Variants in R3HCC1 observed in about 807,000 individuals in gnomAD.
R3HCC1 encodes R3H domain and coiled-coil containing 1.
A neutral mutation model predicts 40.0 loss-of-function variants in R3HCC1; 32 were observed. The observed-to-expected ratio is 0.80, with a 90% CI of 0.60 to 1.07. R3HCC1 has a LOEUF of 1.07. Among genes scored for constraint, R3HCC1 ranks in the 50% least tolerant of loss-of-function variants. R3HCC1 has a pLI of 0.00. For synonymous variants in R3HCC1, 237 were observed against 232.8 expected (o/e 1.02, Z -0.17); for missense variants, 586 against 563.3 (o/e 1.04, Z -0.41).
chr8:23,290,538 A>T lies in R3HCC1; in HGVS notation c.852+69A>T, dbSNP rs1163489247. On this transcript the variant is annotated intron_variant, in intron 4 of 7. Transcript: ENST00000265806. ...TGGGTGTGGCCGTGGGTGGATGGGG[A>T]CCAAGGGTTATGGTGTGGAGAGCAG... The T allele has an allele frequency of 1.6e-5, 24 of 1,478,004 alleles. No homozygotes were observed. In the East Asian group the frequency reaches 5.7e-4, roughly 35 times the overall value. The allele number at this position is 1,478,004 out of a possible 1,614,324, so 91.6% of individuals were successfully genotyped here. A position where few individuals can be genotyped will look rare whatever the true frequency, so the allele number is the denominator to read the frequency against.
rs1459992336 is a variant in R3HCC1, at chr8:23,288,585, G to T, written c.62G>T (p.Arg21Leu). The change falls in exon 2 of 8, where the codon CGG becomes CTG. Residue 21 changes from arginine (R) to leucine (L), a missense_variant. By Grantham distance (102) the Arg-to-Leu change is moderately radical. Coordinates refer to ENST00000265806, the MANE Select transcript of R3HCC1 (RefSeq NM_001136108.3). Reference sequence around the variant, plus strand: ...TCAGCCGAGAATGACTTCGTCCACCGGATCCAGGAGGAACTGGACCGCTTT... The same window carrying T: ...TCAGCCGAGAATGACTTCGTCCACCTGATCCAGGAGGAACTGGACCGCTTT... 2.0e-5 allele frequency: 30 copies of T among 1,535,840 alleles called. No homozygotes were observed. The highest frequency in any genetic ancestry group is 2.4e-5 in the Non-Finnish European group (28 of 1,146,880).
chr8:23,291,207 G>A lies in R3HCC1; in HGVS notation c.853-154G>A, dbSNP rs980517075. On this transcript the variant is annotated intron_variant, in intron 4 of 7. Transcript: ENST00000265806. ...TCCCGTAAAACCCATGCGTCTTGACGTCTTGACCTTGCAGCCCAGTCTGCC... is the reference window on the plus strand; with the variant it reads ...TCCCGTAAAACCCATGCGTCTTGACATCTTGACCTTGCAGCCCAGTCTGCC... 5.6e-5 allele frequency: 62 copies of A among 1,106,608 alleles called. No homozygotes were observed. The Middle Eastern group carries it at 9.2e-4, about 16-fold the overall frequency. 68.5% of individuals were successfully genotyped at this position (1,106,608 alleles called of 1,614,324 possible).
In R3HCC1 at chr8:23,294,770, T is replaced by G. The variant is rs1802953969; in HGVS notation, c.1098T>G (p.Ala366=). ...TCCACGCCTGCTTTCTTTCCACAGC[T>G]GCGGAAGCCCTGACCCGGGAGTTCT... is the stretch of plus-strand genomic sequence containing the variant. The change falls in exon 7 of 8, where the codon GCT becomes GCG. Residue 366 remains alanine, a splice_region_variant and synonymous_variant. Coordinates refer to ENST00000265806, the MANE Select transcript of R3HCC1 (RefSeq NM_001136108.3). The G allele has an allele frequency of 6.5e-7, 1 of 1,550,106 alleles. No homozygotes were observed. Among genetic ancestry groups the G allele is most frequent in the African/African-American group, 1.4e-5 (1 of 72,652 alleles).
intron 4 of R3HCC1, 115 bp from the exon 5 acceptor site, chr8:23,291,245 TC>T: frequency 7.1e-7 from 1 of 1,417,940 alleles, no homozygotes; most frequent in Non-Finnish European, 9.3e-7. Context: ...CTGCTGCCTT[TC>T]CCAGACTTTT....
chr8:23,290,893 C>CTG (rs1217506499), intron 4 of R3HCC1: 14 of 222,886 alleles, frequency 6.3e-5, no homozygotes, highest in African/African-American at 3.2e-4. Context: ...CTGAGACTGG[C>CTG]TGTGGGTTCA....
chr8:23,290,082 G>T lies in R3HCC1; in HGVS notation c.465G>T (p.Ser155=). ...AAGAATGGGGGCTGACCTCTACCTC[G>T]GTGCTCAAGAGAGAGGCCCCAGCTG... The change falls in exon 4 of 8, where the codon TCG becomes TCT. Residue 155 remains serine, a synonymous_variant. Coordinates refer to ENST00000265806, the MANE Select transcript of R3HCC1 (RefSeq NM_001136108.3). The T allele has an allele frequency of 6.5e-7, 1 of 1,549,888 alleles. No individual in the cohort carries two copies. The highest frequency in any genetic ancestry group is 8.7e-7 in the Non-Finnish European group (1 of 1,146,998).
chr8:23,288,846 C>G (rs1054717227), intron 2 of R3HCC1, among the ~76,000 whole-genome samples, 170 bp from the exon 3 acceptor site: 4 of 152,142 alleles, frequency 2.6e-5, no homozygotes, highest in Non-Finnish European at 5.9e-5. Flanking sequence ...GGGGATGGGA[C>G]CTGTGGGTCC....
chr8:23,293,461 C>A (rs1248471128), intron 6 of R3HCC1, 88 bp downstream of exon 6: 2 of 1,052,234 alleles, frequency 1.9e-6, no homozygotes, highest in African/African-American at 1.6e-5. Flanking sequence ...CCACCATCTC[C>A]TGGGCGCAGG....
chr8:23,293,193 C>T lies in R3HCC1; in HGVS notation c.1026-110C>T, dbSNP rs1185042105. The T allele has an allele frequency of 4.9e-6, 4 of 813,064 alleles. No individual in the cohort carries two copies. The African/African-American group carries it at 6.8e-5, about 14-fold the overall frequency. 50.4% of individuals were successfully genotyped at this position (813,064 alleles called of 1,614,324 possible). ...TCCCAGAAGAGATGGGACCTTGCCTCAGGCTGGTGGCATCTGCGGGCTGGA... is the reference window on the plus strand; with the variant it reads ...TCCCAGAAGAGATGGGACCTTGCCTTAGGCTGGTGGCATCTGCGGGCTGGA... On this transcript the variant is annotated intron_variant, in intron 5 of 7. Transcript: ENST00000265806.
At chr8:23,294,907 G>A in intron 7 of R3HCC1, 43 bp downstream of exon 7, 1 of 1,379,396 alleles carries the variant, frequency 7.2e-7, no homozygotes, top group Middle Eastern at 1.8e-4. Context: ...CTGTGTGTGT[G>A]TGTGTGCGTG....
chr8:23,289,877 CG>C lies in R3HCC1; in HGVS notation c.262del (p.Asp88MetfsTer64). The C allele has an allele frequency of 6.6e-7, 1 of 1,516,808 alleles. No individual in the cohort carries two copies. Among genetic ancestry groups the C allele is most frequent in the Non-Finnish European group, 8.8e-7 (1 of 1,135,840 alleles). 94.0% of individuals were successfully genotyped at this position (1,516,808 alleles called of 1,614,324 possible). A position where few individuals can be genotyped will look rare whatever the true frequency, so the allele number is the denominator to read the frequency against. On this transcript the variant is annotated frameshift_variant, in exon 4 of 8. Transcript: ENST00000265806. LOFTEE classifies it high-confidence loss of function. The stretch of plus-strand genomic sequence containing the variant: ...CATTCCTGCTCCAGGGTACCCAGTT[CG>C]GATGGCCTCTCTGGCCCCTGCCGCG...
At chr8:23,288,754 T>C (rs1468008399) in intron 2 of R3HCC1, 121 bp downstream of exon 2, 11 of 1,247,848 alleles carry the variant, frequency 8.8e-6, no homozygotes, top group Non-Finnish European at 1.2e-5. Context: ...CTTTAGTCTT[T>C]ATAACGCCAG....
intron 2 of R3HCC1, among the ~76,000 whole-genome samples, 163 bp downstream of exon 2, chr8:23,288,796 G>C (rs1802795077): frequency 6.6e-6 from 1 of 152,136 alleles, no homozygotes; most frequent in Admixed American, 6.5e-5. Context: ...TTGTAATTGT[G>C]AGCATCACCC....
At chr8:23,293,856 G>A (rs1302017351) in intron 6 of R3HCC1, among the ~76,000 whole-genome samples, 1 of 152,148 alleles carries the variant, frequency 6.6e-6, no homozygotes, top group East Asian at 1.9e-4. Context: ...TACACTCCAA[G>A]TTACACAGCC....
At chr8:23,295,568 T>C (rs1271151870) in intron 7 of R3HCC1, 4 of 462,880 alleles carry the variant, frequency 8.6e-6, no homozygotes, top group Non-Finnish European at 1.7e-5. Flanking sequence ...TCGTGGGTGG[T>C]TACGTAGCCA....
At chr8:23,288,198 C>G in intron 1 of R3HCC1, 41 bp downstream of exon 1, 2 of 1,203,676 alleles carry the variant, frequency 1.7e-6, no homozygotes, top group South Asian at 1.6e-5. Flanking sequence ...TCCCGACCCC[C>G]GGGCTCCCGG....
Position 23,294,958 on chromosome 8 carries a change from G to A in R3HCC1, c.1192+94G>A, listed in dbSNP as rs896413011. 2.1e-5 allele frequency: 20 copies of A among 949,976 alleles called. No individual in the cohort carries two copies. The African/African-American group carries it at 2.6e-4, about 12-fold the overall frequency. The allele number at this position is 949,976 out of a possible 1,614,324, so 58.8% of individuals were successfully genotyped here. On this transcript the variant is annotated intron_variant, in intron 7 of 7. Transcript: ENST00000265806. ...GTGCGTGTGTGTGTGTCTGGTTTGG[G>A]CAGGGTCTTCCCCTCTGTTAATTCT... is the stretch of plus-strand genomic sequence containing the variant.
Position 23,291,488 on chromosome 8 carries a change from C to T in R3HCC1, c.980C>T (p.Pro327Leu). 1 of 1,551,558 alleles carries T rather than the reference C, an allele frequency of 6.4e-7. No homozygotes were observed. Among genetic ancestry groups the T allele is most frequent in the Non-Finnish European group, 8.7e-7 (1 of 1,146,952 alleles). Residue 327 changes from proline (P) to leucine (L), a missense_variant, in exon 5 of 8, where the codon CCA (proline) becomes CTA (leucine). Transcript: ENST00000265806. ...GTGGTAGAGATCTATGACTTTGAACCAGCGCTCAAGACGGAGGACCTGCTG... is the reference window on the plus strand; with the variant it reads ...GTGGTAGAGATCTATGACTTTGAACTAGCGCTCAAGACGGAGGACCTGCTG...
chr8:23,294,410 A>G (rs1161631410), intron 6 of R3HCC1, among the ~76,000 whole-genome samples: 1 of 152,168 alleles, frequency 6.6e-6, no homozygotes, highest in East Asian at 1.9e-4. Context: ...CAGTGAACGC[A>G]TGTTCCCTGG....
Sources: allele counts gnomAD v4.1 joint callset (sites outside exome capture counted in the v4.1 genomes callset), GRCh38; gene constraint gnomAD v4.1.1; transcripts MANE v1.5; gene names NCBI Gene and HGNC (gene_info 2026-07-23, HGNC 2026-07-21).